The following ALG6 variants were observed in gnomAD, a reference collection of about 807,000 sequenced individuals.
The protein encoded by ALG6 is dolichyl pyrophosphate Man9GlcNAc2 alpha-1,3-glucosyltransferase.
In ALG6, 46 loss-of-function variants were observed where a neutral mutation model predicts 66.6. The observed-to-expected ratio is 0.69, with a 90% CI of 0.55 to 0.88. The LOEUF (loss-of-function observed/expected upper bound fraction) is 0.88. ALG6 is among the 40% of genes least tolerant of loss of function. The pLI is 0.00. For synonymous variants in ALG6, 185 were observed against 203.7 expected (o/e 0.91, Z 0.78); for missense variants, 505 against 586.8 (o/e 0.86, Z 1.44).
intron 1 of ALG6, among the ~76,000 whole-genome samples, chr1:63,369,227 C>T (rs963628697): frequency 1.3e-5 from 2 of 152,176 alleles, no homozygotes; most frequent in African/African-American, 4.8e-5. Context: ...GTAGGATAGT[C>T]AGGGATGATC....
At chr1:63,435,867 T>C (rs1557599642) in intron 14 of ALG6, among the ~76,000 whole-genome samples, 1 of 152,186 alleles carries the variant, frequency 6.6e-6, no homozygotes, top group Non-Finnish European at 1.5e-5. Flanking sequence ...GAAGTTCTAT[T>C]GTATAGCACA....
intron 2 of ALG6, among the ~76,000 whole-genome samples, chr1:63,382,692 T>C (rs1318184690): frequency 7.0e-5 from 9 of 128,594 alleles, no homozygotes; most frequent in Non-Finnish European, 1.6e-5. Context: ...TTTTTTTTTT[T>C]TGAGACGGAG....
chr1:63,368,202 A>G (rs1481463228), intron 1 of ALG6, among the ~76,000 whole-genome samples: 4 of 152,134 alleles, frequency 2.6e-5, no homozygotes, highest in African/African-American at 9.7e-5. Context: ...TTAGAAAATT[A>G]CTGTTTTCTG....
At chr1:63,387,385 C>T (rs1341555328) in intron 2 of ALG6, among the ~76,000 whole-genome samples, 1 of 151,898 alleles carries the variant, frequency 6.6e-6, no homozygotes, top group Non-Finnish European at 1.5e-5. Flanking sequence ...TAGCTATTAC[C>T]CTATTGGAGA....
At chr1:63,409,978 A>G (rs1644508404) in intron 7 of ALG6, among the ~76,000 whole-genome samples, 1 of 152,120 alleles carries the variant, frequency 6.6e-6, no homozygotes, top group Non-Finnish European at 1.5e-5. Flanking sequence ...GGAGTGGGGT[A>G]AGATTTGACT....
intron 1 of ALG6, 112 bp from the exon 2 acceptor site, chr1:63,370,659 C>G (rs1281720156): frequency 6.2e-6 from 2 of 322,292 alleles, no homozygotes; most frequent in Non-Finnish European, 1.2e-5. Context: ...CCTTCACATT[C>G]CTTCCCACTA....
At chr1:63,400,353 ATATATATG>A (rs1644457720) in intron 3 of ALG6, among the ~76,000 whole-genome samples, 1 of 117,892 alleles carries the variant, frequency 8.5e-6, no homozygotes, top group African/African-American at 3.8e-5. Flanking sequence ...ATATATGTAT[ATATATATG>A]TATATATATG....
chr1:63,369,443 A>G (rs946136414), intron 1 of ALG6, among the ~76,000 whole-genome samples: 1 of 152,116 alleles, frequency 6.6e-6, no homozygotes, highest in Admixed American at 6.5e-5. Context: ...AGCCTGGCCA[A>G]TCTGGTGAAA....
chr1:63,385,152 C>T lies in ALG6; in HGVS notation c.83-11361C>T, dbSNP rs1247060903. Among the ~76,000 whole-genome samples, 9 of 98,946 alleles carry T rather than the reference C, an allele frequency of 9.1e-5. No individual in the cohort carries two copies. The East Asian group carries it at 1.9e-3, about 21-fold the overall frequency. The allele number at this position is 98,946 out of a possible 152,430, so 64.9% of individuals were successfully genotyped here. On this transcript the variant is annotated intron_variant, in intron 2 of 14. Coordinates refer to ENST00000263440, the MANE Select transcript of ALG6 (RefSeq NM_013339.4). ...TTTTTGAATTTCTTTCATCAGTGTT[C>T]TATAGTTTTTTATTAAGATCTTTTA...
intron 12 of ALG6, among the ~76,000 whole-genome samples, chr1:63,422,979 G>GA (rs1644595989): frequency 6.7e-6 from 1 of 149,378 alleles, no homozygotes; most frequent in Admixed American, 6.7e-5. Context: ...AACAAAAATA[G>GA]AAAAAATGAG....
At chr1:63,425,170 G>C (rs1644608621) in intron 12 of ALG6, among the ~76,000 whole-genome samples, 1 of 152,198 alleles carries the variant, frequency 6.6e-6, no homozygotes. Flanking sequence ...ATAACTGGTA[G>C]AGAAAATGGG....
At chr1:63,380,761 T>G (rs1648275285) in intron 2 of ALG6, among the ~76,000 whole-genome samples, 1 of 152,222 alleles carries the variant, frequency 6.6e-6, no homozygotes, top group African/African-American at 2.4e-5. Context: ...CTTACATATA[T>G]TACTTAACCT....
rs1032812303 is a variant in ALG6 at position 63,437,918 on chromosome 1, G to A, written c.*898G>A. Reference sequence around the variant, plus strand: ...ACTGTATCACCCTGTATTAGCAGAAGCCAATATTTATTATAGTATTCAACT... The same window carrying A: ...ACTGTATCACCCTGTATTAGCAGAAACCAATATTTATTATAGTATTCAACT... On this transcript the variant is annotated 3_prime_UTR_variant, in exon 15 of 15. Transcript: ENST00000263440. 2.0e-5 allele frequency: 3 copies of A among 151,956 alleles called. No homozygotes were observed. Among genetic ancestry groups the A allele is most frequent in the African/African-American group, 4.8e-5 (2 of 41,396 alleles). The allele number at this position is 151,956 out of a possible 1,614,324, so 9.4% of individuals were successfully genotyped here.
chr1:63,370,150 A>G (rs957425344), intron 1 of ALG6, among the ~76,000 whole-genome samples: 1 of 149,456 alleles, frequency 6.7e-6, no homozygotes, highest in East Asian at 2.0e-4. Context: ...ACCCCAACCT[A>G]AGGAAAACTG....
chr1:63,393,627 G>T (rs568983867), intron 2 of ALG6, among the ~76,000 whole-genome samples: 1 of 152,170 alleles, frequency 6.6e-6, no homozygotes, highest in Non-Finnish European at 1.5e-5. Context: ...GGAATAAGAA[G>T]CATGAACAGA....
intron 2 of ALG6, among the ~76,000 whole-genome samples, chr1:63,385,829 CGCTA>C (rs1387789473): frequency 1.3e-5 from 2 of 152,052 alleles, no homozygotes; most frequent in East Asian, 1.9e-4. Flanking sequence ...TGTCTGATTG[CGCTA>C]GCTAAGACTA....
intron 4 of ALG6, 62 bp downstream of exon 4, chr1:63,402,405 G>A: frequency 2.0e-6 from 2 of 1,001,454 alleles, no homozygotes; most frequent in Non-Finnish European, 3.1e-6. Context: ...TTAGTAAGAA[G>A]CAGTGTGATG....
intron 12 of ALG6, among the ~76,000 whole-genome samples, chr1:63,426,446 T>G (rs1421029934): frequency 6.6e-6 from 1 of 152,122 alleles, no homozygotes; most frequent in Non-Finnish European, 1.5e-5. Context: ...AGGTTGAGGA[T>G]GTAGGGCATT....
intron 14 of ALG6, among the ~76,000 whole-genome samples, chr1:63,432,499 G>T (rs561421341): frequency 5.3e-5 from 8 of 152,128 alleles, no homozygotes; most frequent in African/African-American, 1.4e-4. Flanking sequence ...TATATTTAAG[G>T]CATATCACAT....
Sources: allele counts gnomAD v4.1 joint callset (sites outside exome capture counted in the v4.1 genomes callset), GRCh38; gene constraint gnomAD v4.1.1; transcripts MANE v1.5; gene names NCBI Gene and HGNC (gene_info 2026-07-23, HGNC 2026-07-21).